DENND1B: variants seen among roughly 807,000 people sequenced by gnomAD.
The protein encoded by DENND1B is DENN domain-containing protein 1B.
In DENND1B, 59 loss-of-function variants were observed where a neutral mutation model predicts 90.1. The observed-to-expected ratio is 0.65, with a 90% CI of 0.53 to 0.81. The LOEUF (loss-of-function observed/expected upper bound fraction) is 0.81, where lower values mean the gene tolerates loss of function less well. Ranked by LOEUF, DENND1B falls within the 40% of genes least tolerant of loss-of-function variation. The probability of loss-of-function intolerance (pLI) is 0.00; values close to 1 mark genes in which losing one functional copy is unlikely to be tolerated. For missense variants in DENND1B, 862 were observed against 912.6 expected, an observed-to-expected ratio of 0.94 and a Z score of 0.71; for synonymous variants, 337 against 324.6, an observed-to-expected ratio of 1.04 and a Z score of -0.41.
At chr1:197,575,594 A>G (rs1673598536) in intron 15 of DENND1B, among the ~76,000 whole-genome samples, 1 of 152,256 alleles carries the variant, frequency 6.6e-6, no homozygotes, top group Non-Finnish European at 1.5e-5. Flanking sequence ...ATTTACCCAA[A>G]GGATTATAAA....
chr1:197,746,472 C>T (rs1663764560), intron 2 of DENND1B, among the ~76,000 whole-genome samples: 1 of 152,112 alleles, frequency 6.6e-6, no homozygotes, highest in Admixed American at 6.6e-5. Flanking sequence ...GATTTTATAC[C>T]ATGGGTCTAT....
intron 2 of DENND1B, among the ~76,000 whole-genome samples, chr1:197,740,811 G>T (rs1663140734): frequency 6.6e-6 from 1 of 152,074 alleles, no homozygotes; most frequent in South Asian, 2.1e-4. Flanking sequence ...GTTTATCAAT[G>T]GTATGAAGGA....
intron 2 of DENND1B, among the ~76,000 whole-genome samples, chr1:197,754,793 G>A (rs1169303941): frequency 4.0e-5 from 6 of 151,764 alleles, no homozygotes; most frequent in African/African-American, 7.3e-5. Flanking sequence ...ACCAGTTTAC[G>A]GAAAATGCAT....
At chr1:197,545,017 G>A (rs1432682934) in intron 18 of DENND1B, among the ~76,000 whole-genome samples, 2 of 41,226 alleles carry the variant, frequency 4.9e-5, no homozygotes, top group Non-Finnish European at 1.0e-4. Context: ...CGACGACGAC[G>A]ACGAAAGAAG....
At chr1:197,629,938 T>A (rs906575670) in intron 10 of DENND1B, among the ~76,000 whole-genome samples, 1 of 151,824 alleles carries the variant, frequency 6.6e-6, no homozygotes, top group Non-Finnish European at 1.5e-5. Flanking sequence ...AAATGACAAA[T>A]AAGCATATGA....
chr1:197,683,051 G>A (rs1033660111), intron 3 of DENND1B, among the ~76,000 whole-genome samples: 1 of 152,048 alleles, frequency 6.6e-6, no homozygotes, highest in Non-Finnish European at 1.5e-5. Context: ...GGGGAGGAGT[G>A]GAATGAGGAA....
intron 7 of DENND1B, among the ~76,000 whole-genome samples, chr1:197,647,571 C>T (rs1680837806): frequency 2.0e-5 from 3 of 152,142 alleles, no homozygotes; most frequent in African/African-American, 7.2e-5. Context: ...AAATACAGTA[C>T]TTTAGGAGTC....
At position 197,743,338 on chromosome 1, in the gene DENND1B, G is replaced by A. The variant is rs186512524; in HGVS notation, c.83-28264C>T. ...TTGTGGTTTCCTAGTGCATATAAAA[G>A]TTATGTTCACACTATACTGTAGTCT... On this transcript the variant is annotated intron_variant, in intron 2 of 22. Coordinates refer to ENST00000620048, the MANE Select transcript of DENND1B (RefSeq NM_001195215.2). Among the ~76,000 whole-genome samples, 638 of 152,258 alleles carry A rather than the reference G, an allele frequency of 4.2e-3. 5 individuals are homozygous for A. The highest frequency in any genetic ancestry group is 0.031 in the Middle Eastern group (9 of 294).
intron 2 of DENND1B, chr1:197,735,456 G>T: frequency 6.6e-7 from 1 of 1,514,482 alleles, no homozygotes; most frequent in Non-Finnish European, 8.8e-7. Context: ...TGGGTTCTCG[G>T]GTACATTTCC....
At chr1:197,668,070 T>C (rs914056183) in intron 5 of DENND1B, among the ~76,000 whole-genome samples, 11 of 152,182 alleles carry the variant, frequency 7.2e-5, no homozygotes, top group African/African-American at 2.4e-4. Context: ...TAGCTATTTC[T>C]TAAAATACAT....
At chr1:197,729,860 C>T (rs748646095) in intron 2 of DENND1B, among the ~76,000 whole-genome samples, 2 of 152,132 alleles carry the variant, frequency 1.3e-5, no homozygotes, top group Admixed American at 6.5e-5. Flanking sequence ...GCACAAAAAT[C>T]TTCAAGTACA....
At chr1:197,622,109 C>G (rs996341376) in intron 10 of DENND1B, among the ~76,000 whole-genome samples, 1 of 151,364 alleles carries the variant, frequency 6.6e-6, no homozygotes, top group African/African-American at 2.4e-5. Flanking sequence ...ACAGTTAACT[C>G]AGTCATAGAA....
chr1:197,529,691 T>C (rs1249804351), intron 20 of DENND1B, among the ~76,000 whole-genome samples: 3 of 152,136 alleles, frequency 2.0e-5, no homozygotes, highest in Non-Finnish European at 2.9e-5. Flanking sequence ...AGAAATTTCT[T>C]ATTCTTAGAA....
intron 17 of DENND1B, 34 bp from the exon 18 acceptor site, chr1:197,546,024 A>G (rs1378148824): frequency 1.3e-6 from 2 of 1,552,208 alleles, no homozygotes; most frequent in Non-Finnish European, 8.7e-7. Flanking sequence ...ATTTCCAAAA[A>G]CTTTTAGCTA....
intron 11 of DENND1B, among the ~76,000 whole-genome samples, chr1:197,613,722 G>GCAACTC (rs3078492): frequency 0.98 from 147,820 of 150,678 alleles, 72,576 homozygotes; most frequent in East Asian, 1. Flanking sequence ...ATGAAGTTAG[G>GCAACTC]CCATAATCTT....
chr1:197,741,887 T>G (rs1663247711), intron 2 of DENND1B, among the ~76,000 whole-genome samples: 1 of 152,138 alleles, frequency 6.6e-6, no homozygotes, highest in Admixed American at 6.5e-5. Context: ...CTCTTCCACT[T>G]TATAACTTTG....
chr1:197,679,337 C>G (rs778209555), intron 3 of DENND1B, among the ~76,000 whole-genome samples: 5 of 149,130 alleles, frequency 3.4e-5, no homozygotes, highest in Non-Finnish European at 7.4e-5. Context: ...ATTCAACCAA[C>G]TGTGGATTAA....
chr1:197,715,136 T>C, intron 2 of DENND1B, 62 bp from the exon 3 acceptor site: 1 of 1,396,190 alleles, frequency 7.2e-7, no homozygotes, highest in Admixed American at 1.8e-5. Context: ...AGGAACAGTC[T>C]TGGTTAAACA....
At chr1:197,628,743 T>C (rs1264362765) in intron 10 of DENND1B, among the ~76,000 whole-genome samples, 1 of 151,856 alleles carries the variant, frequency 6.6e-6, no homozygotes, top group African/African-American at 2.4e-5. Flanking sequence ...ACAGGCAACC[T>C]ACAACATGGG....
Sources: allele counts gnomAD v4.1 joint callset (sites outside exome capture counted in the v4.1 genomes callset), GRCh38; gene constraint gnomAD v4.1.1; transcripts MANE v1.5; gene names NCBI Gene and HGNC (gene_info 2026-07-23, HGNC 2026-07-21).